The following SLC8A3 variants were observed in gnomAD, a reference collection of about 807,000 sequenced individuals.
The protein encoded by SLC8A3 is solute carrier family 8 member A3, also known as sodium/calcium exchanger 3.
In SLC8A3, 37 loss-of-function variants were observed where a neutral mutation model predicts 65.4. That is an observed-to-expected ratio of 0.57 (90% confidence interval 0.44 to 0.74). SLC8A3 has a LOEUF of 0.74. SLC8A3 is among the 30% of genes least tolerant of loss of function. The pLI is 0.00. For synonymous variants in SLC8A3, 461 were observed against 444.5 expected (o/e 1.04, Z -0.47); for missense variants, 1,112 against 1,172.1 (o/e 0.95, Z 0.75).
intron 3 of SLC8A3, among the ~76,000 whole-genome samples, chr14:70,054,560 C>A (rs1887870194): frequency 6.6e-6 from 1 of 151,966 alleles, no homozygotes; most frequent in Non-Finnish European, 1.5e-5. Flanking sequence ...CCTTACATAC[C>A]TTCACAGGCA....
In SLC8A3 at chr14:70,140,109, G is replaced by A. The variant is rs141207782; in HGVS notation, c.1784+26530C>T. Among the ~76,000 whole-genome samples, 17 of 152,260 alleles carry A rather than the reference G, an allele frequency of 1.1e-4. No individual in the cohort carries two copies. In the East Asian group the frequency reaches 3.1e-3, roughly 28 times the overall value. ...TTGATATTAGTGCTTTAAAATGGAA[G>A]GGCAGAATAATTTTAACCACAAAAG... On this transcript the variant is annotated intron_variant, in intron 2 of 6. Transcript: ENST00000356921.
At chr14:70,071,972 G>A (rs150946) in intron 2 of SLC8A3, among the ~76,000 whole-genome samples, 69,129 of 151,884 alleles carry the variant, frequency 0.46, 16,322 homozygotes, top group African/African-American at 0.59. Flanking sequence ...TGAGCCCTCT[G>A]CTGCATGCAG....
intron 2 of SLC8A3, among the ~76,000 whole-genome samples, chr14:70,079,802 A>G (rs966602782): frequency 6.6e-5 from 10 of 152,176 alleles, no homozygotes; most frequent in African/African-American, 2.4e-4. Context: ...CAGAATTTTT[A>G]TATGGCCTGC....
chr14:70,084,507 C>A (rs1395655516), intron 2 of SLC8A3, among the ~76,000 whole-genome samples: 1 of 152,148 alleles, frequency 6.6e-6, no homozygotes, highest in Non-Finnish European at 1.5e-5. Flanking sequence ...TCTGTTTAGT[C>A]AAGTTTCTAA....
In SLC8A3 at chr14:70,046,087, G is replaced by A. The variant is rs750402850; in HGVS notation, c.2626C>T (p.Arg876Ter). Residue 876 changes from arginine (R) to a stop codon, truncating the protein, a stop_gained, in exon 7 of 7, where the codon CGA (arginine) becomes TGA (stop). Transcript: ENST00000356921. LOFTEE classifies it high-confidence loss of function. This position sits in a 1 kb window ranked among gnomAD's most constrained non-coding sequence, Gnocchi z 4.2. ...TCCCCTCCCAGGTGCGGCCGCCTTCGGTACAAGAGCACGCTGATGCAGACA... is the reference window on the plus strand; with the variant it reads ...TCCCCTCCCAGGTGCGGCCGCCTTCAGTACAAGAGCACGCTGATGCAGACA... ...AFVCISVLLY[R>*]RRPHLGGELG... 5 of 1,614,120 alleles carry A rather than the reference G, an allele frequency of 3.1e-6. No homozygotes were observed. The highest frequency in any genetic ancestry group is 4.2e-6 in the Non-Finnish European group (5 of 1,180,000).
intron 2 of SLC8A3, among the ~76,000 whole-genome samples, chr14:70,141,970 C>T (rs1279612359): frequency 1.3e-5 from 2 of 150,972 alleles, no homozygotes; most frequent in Non-Finnish European, 2.9e-5. Context: ...CCCAGTGACT[C>T]CAATGGCCTC....
intron 1 of SLC8A3, among the ~76,000 whole-genome samples, chr14:70,171,698 G>T (rs1897549108): frequency 6.6e-6 from 1 of 152,162 alleles, no homozygotes; most frequent in Non-Finnish European, 1.5e-5. Context: ...TACTTGGGAG[G>T]CTGAGGCAAA....
At chr14:70,137,503 G>A (rs1895284471) in intron 2 of SLC8A3, among the ~76,000 whole-genome samples, 1 of 152,140 alleles carries the variant, frequency 6.6e-6, no homozygotes, top group Non-Finnish European at 1.5e-5. Flanking sequence ...CTACTTAAAA[G>A]GAATCCTGAG....
chr14:70,088,213 G>C (rs1429109353), intron 2 of SLC8A3, among the ~76,000 whole-genome samples: 1 of 152,188 alleles, frequency 6.6e-6, no homozygotes, highest in Non-Finnish European at 1.5e-5. Context: ...GAAAGGTTGT[G>C]GGGGCAAGTA....
chr14:70,149,323 T>A (rs988019379), intron 2 of SLC8A3, among the ~76,000 whole-genome samples: 16 of 152,272 alleles, frequency 1.1e-4, no homozygotes, highest in African/African-American at 3.6e-4. Flanking sequence ...CTGAACTTCC[T>A]CTTCTGGGGA....
At chr14:70,184,602 G>A (rs1213679665) in intron 1 of SLC8A3, among the ~76,000 whole-genome samples, 2 of 152,044 alleles carry the variant, frequency 1.3e-5, no homozygotes, top group African/African-American at 4.8e-5. Flanking sequence ...GTCCCTACAA[G>A]TCCTCATTAA....
intron 1 of SLC8A3, among the ~76,000 whole-genome samples, chr14:70,186,264 C>A (rs1406475407): frequency 2.0e-5 from 3 of 152,188 alleles, no homozygotes; most frequent in Non-Finnish European, 4.4e-5. Flanking sequence ...CTTCCTAAGG[C>A]CTCCCCAGCC....
chr14:70,170,508 C>T (rs933947041), intron 1 of SLC8A3, among the ~76,000 whole-genome samples: 2 of 152,228 alleles, frequency 1.3e-5, no homozygotes, highest in East Asian at 1.9e-4. Flanking sequence ...AGTAGGTTCT[C>T]AGTAACTGTA....
chr14:70,187,422 C>T (rs1883367663), intron 1 of SLC8A3, among the ~76,000 whole-genome samples: 1 of 151,954 alleles, frequency 6.6e-6, no homozygotes, highest in Admixed American at 6.6e-5. Flanking sequence ...AACCCCACCC[C>T]GCCACCACCA....
intron 2 of SLC8A3, among the ~76,000 whole-genome samples, chr14:70,137,168 T>C (rs1242233926): frequency 1.3e-5 from 2 of 149,720 alleles, no homozygotes; most frequent in Non-Finnish European, 3.0e-5. Flanking sequence ...TTTTTTGAGA[T>C]GAAGTCTTGC....
At chr14:70,055,340 C>T (rs142841652) in intron 3 of SLC8A3, among the ~76,000 whole-genome samples, 2 of 152,192 alleles carry the variant, frequency 1.3e-5, no homozygotes, top group East Asian at 1.9e-4. Context: ...ATTGCATTTC[C>T]TATTCTCACA....
chr14:70,078,614 T>C (rs1890752829), intron 2 of SLC8A3, among the ~76,000 whole-genome samples: 2 of 152,228 alleles, frequency 1.3e-5, no homozygotes, highest in African/African-American at 4.8e-5. Context: ...GACTTTAAGC[T>C]GCCAGTACCA....
At chr14:70,164,607 T>G (rs1452850327) in intron 2 of SLC8A3, among the ~76,000 whole-genome samples, 9 of 152,138 alleles carry the variant, frequency 5.9e-5, no homozygotes, top group Non-Finnish European at 2.9e-5. Context: ...TCAGAGACCC[T>G]AGGTGCATAA....
At chr14:70,114,187 C>A (rs1893502736) in intron 2 of SLC8A3, among the ~76,000 whole-genome samples, 1 of 152,144 alleles carries the variant, frequency 6.6e-6, no homozygotes, top group African/African-American at 2.4e-5. Flanking sequence ...AAGAGCCTCA[C>A]CCTCTGCGGA....
Sources: gnomAD v4.1 joint callset for allele counts (sites outside exome capture counted in the v4.1 genomes callset) on GRCh38, gnomAD v4.1.1 for gene constraint, Gnocchi (gnomAD v3.1) non-coding constraint, MANE v1.5 for transcripts, NCBI Gene and HGNC (gene_info 2026-07-23, HGNC 2026-07-21) for gene names.